The following IGFN1 variants were observed in gnomAD, a reference collection of about 807,000 sequenced individuals.
IGFN1 encodes immunoglobulin like and fibronectin type III domain containing 1.
IGFN1 carries 253 observed loss-of-function variants against 289.5 expected under a neutral mutation model. The ratio of observed to expected loss-of-function variants is 0.87; its 90% CI spans 0.79 to 0.97. The LOEUF is 0.97. Among genes scored for constraint, IGFN1 ranks in the 50% least tolerant of loss-of-function variants. The pLI is 0.00. For missense variants in IGFN1, 4,470 were observed against 4,686.1 expected (o/e 0.95, Z 1.35); for synonymous variants, 1,706 against 1,788.5 (o/e 0.95, Z 1.16).
Position 201,206,875 on chromosome 1 carries a change from T to A in IGFN1, c.1982T>A (p.Leu661Gln), listed in dbSNP as rs1225365617. Residue 661 changes from leucine to glutamine, a missense_variant, in exon 12 of 24, where the codon CTG (leucine) becomes CAG (glutamine). By Grantham distance (113) the Leu-to-Gln change is moderately radical. This residue lies in a region of IGFN1 where 2,011 missense variants were observed against 1,953.4 expected (regional missense o/e 1.03). Transcript: ENST00000335211. Reference sequence around the variant, plus strand: ...GTAGTGTGGGGTGGTGGGACTGGCCTGGGAGAAGCTGGAGACAGCAATGGG... The same window carrying A: ...GTAGTGTGGGGTGGTGGGACTGGCCAGGGAGAAGCTGGAGACAGCAATGGG... Reference protein sequence around the residue: ...GIVVWGGGTGLGEAGDSNGAG... With the variant: ...GIVVWGGGTGQGEAGDSNGAG... 9.1e-6 allele frequency: 14 copies of A among 1,536,020 alleles called. No homozygotes were observed. Among genetic ancestry groups the A allele is most frequent in the Non-Finnish European group, 1.0e-5 (12 of 1,146,400 alleles).
Position 201,208,819 on chromosome 1 carries a change from G to A in IGFN1, c.3926G>A (p.Gly1309Asp). The A allele has an allele frequency of 2.6e-6, 4 of 1,536,716 alleles. No individual in the cohort carries two copies. Among genetic ancestry groups the A allele is most frequent in the Non-Finnish European group, 3.5e-6 (4 of 1,146,696 alleles). The change falls in exon 12 of 24, where the codon GGT becomes GAT. Residue 1309 changes from glycine to aspartate, a missense_variant. Coordinates refer to ENST00000335211, the MANE Select transcript of IGFN1 (RefSeq NM_001164586.2). ...GGGAGCAAGGCAGATTATAGGGATG[G>A]TGTAGGGGGTTCTGGGGCAATGGGG... ...GSGSKADYRD[G>D]VGGSGAMGSM... is the part of the protein sequence containing the mutation.
In IGFN1 at chr1:201,210,258, C is replaced by T; in HGVS notation, c.5365C>T (p.Pro1789Ser). 1.5e-6 allele frequency: 2 copies of T among 1,317,224 alleles called. No homozygotes were observed. Among genetic ancestry groups the T allele is most frequent in the Non-Finnish European group, 2.0e-6 (2 of 1,010,590 alleles). 81.6% of individuals were successfully genotyped at this position (1,317,224 alleles called of 1,614,324 possible). A position where few individuals can be genotyped will look rare whatever the true frequency, so the allele number is the denominator to read the frequency against. Residue 1789 changes from proline to serine, a missense_variant, in exon 12 of 24, where the codon CCT becomes TCT. By Grantham distance (74) the Pro-to-Ser change is moderately conservative. Coordinates refer to ENST00000335211, the MANE Select transcript of IGFN1 (RefSeq NM_001164586.2). ...AGGTTATAGGAAGGATTTGTGGGCTCCTGAGGGAATAGGTTCAGGAAGTAA... is the reference window on the plus strand; with the variant it reads ...AGGTTATAGGAAGGATTTGTGGGCTTCTGAGGGAATAGGTTCAGGAAGTAA... ...EAGYRKDLWAPEGIGSGSKAG... is the reference protein window; with the variant it reads ...EAGYRKDLWASEGIGSGSKAG...
Position 201,215,093 on chromosome 1 carries a change from A to G in IGFN1, c.8934A>G (p.Gln2978=), listed in dbSNP as rs777741126. 10 of 1,614,088 alleles carry G rather than the reference A, an allele frequency of 6.2e-6. No homozygotes were observed. The highest frequency in any genetic ancestry group is 3.3e-4 in the Middle Eastern group (2 of 6,020). ...TCATCACGCATGTGCAGGGGACCCA[A>G]GCTGGGAGGTACACCTTTGTAGCTG... is the stretch of plus-strand genomic sequence containing the variant. The part of the protein sequence containing the change: ...SLFITHVQGT[Q]AGRYTFVAGD... Residue 2978 remains glutamine (Q), a synonymous_variant, in exon 14 of 24, where the codon CAA becomes CAG. Coordinates refer to ENST00000335211, the MANE Select transcript of IGFN1 (RefSeq NM_001164586.2).
Position 201,221,617 on chromosome 1 carries a change from G to T in IGFN1, c.10072G>T (p.Val3358Phe). 2.5e-6 allele frequency: 4 copies of T among 1,614,220 alleles called. No individual in the cohort carries two copies. The highest frequency in any genetic ancestry group is 3.4e-6 in the Non-Finnish European group (4 of 1,180,028). ...WLPCHVGTVP[V>F]TTYTAKGLRP... is the part of the protein sequence containing the mutation. ...CCCGTGCCATGTGGGCACCGTGCCA[G>T]TCACCACCTACACGGCCAAGGGGCT... Residue 3358 changes from valine (V) to phenylalanine (F), a missense_variant, in exon 19 of 24, where the codon GTC (valine) becomes TTC (phenylalanine). This residue lies in a region of IGFN1 where 2,218 missense variants were observed against 2,114.1 expected (regional missense o/e 1.05). Transcript: ENST00000335211.
rs1005990580 is a variant in IGFN1 at position 201,213,686 on chromosome 1, G to A, written c.8728+65G>A. 44 of 1,337,750 alleles carry A rather than the reference G, an allele frequency of 3.3e-5. No individual in the cohort carries two copies. The African/African-American group carries it at 5.9e-4, about 18-fold the overall frequency. The allele number at this position is 1,337,750 out of a possible 1,614,324, so 82.9% of individuals were successfully genotyped here. A position where few individuals can be genotyped will look rare whatever the true frequency, so the allele number is the denominator to read the frequency against. On this transcript the variant is annotated intron_variant, in intron 12 of 23. Coordinates refer to ENST00000335211, the MANE Select transcript of IGFN1 (RefSeq NM_001164586.2). ...GACAGTGGGGAGCTCCCTGGCCACTGGGATGCTTGGGTCTGTCCCAGTTCT... is the reference window on the plus strand; with the variant it reads ...GACAGTGGGGAGCTCCCTGGCCACTAGGATGCTTGGGTCTGTCCCAGTTCT...
At chr1:201,193,423 T>TC (rs1392168005) in intron 2 of IGFN1, 123 bp downstream of exon 2, 4 of 682,740 alleles carry the variant, frequency 5.9e-6, no homozygotes, top group Non-Finnish European at 1.0e-5. Flanking sequence ...TTGTTTTTTT[T>TC]CTCCTTATTT....
chr1:201,204,248 A>G (rs1667296966), intron 10 of IGFN1, among the ~76,000 whole-genome samples: 1 of 151,850 alleles, frequency 6.6e-6, no homozygotes, highest in Non-Finnish European at 1.5e-5. Flanking sequence ...TTTCTGTTGC[A>G]TGTCCTCATC....
In IGFN1 at chr1:201,206,964, G is replaced by A. The variant is rs944345955; in HGVS notation, c.2071G>A (p.Ala691Thr). Residue 691 changes from alanine (A) to threonine (T), a missense_variant, in exon 12 of 24, where the codon GCC (alanine) becomes ACC (threonine). This residue lies in a region of IGFN1 where 2,011 missense variants were observed against 1,953.4 expected (regional missense o/e 1.03). Coordinates refer to ENST00000335211, the MANE Select transcript of IGFN1 (RefSeq NM_001164586.2). ...GRGSGSKVGMAPESWGSQGGR... is the reference protein window; with the variant it reads ...GRGSGSKVGMTPESWGSQGGR... ...AGGTTCTGGCTCCAAGGTGGGCATG[G>A]CCCCTGAATCCTGGGGTTCTCAGGG... 1.8e-5 allele frequency: 27 copies of A among 1,536,078 alleles called. No individual in the cohort carries two copies. The highest frequency in any genetic ancestry group is 2.2e-5 in the Non-Finnish European group (25 of 1,146,438).
In IGFN1 at chr1:201,217,423, C is replaced by T. The variant is rs760529656; in HGVS notation, c.9732C>T (p.Ser3244=). Residue 3244 remains serine, a synonymous_variant, in exon 17 of 24, where the codon AGC becomes AGT. Coordinates refer to ENST00000335211, the MANE Select transcript of IGFN1 (RefSeq NM_001164586.2). ...TGATCGAGAGGCGTAAGAAGGGGAG[C>T]AACACCTGGACGGCAGTGAACGACC... The part of the protein sequence containing the change: ...GYLIERRKKG[S]NTWTAVNDQP... The T allele has an allele frequency of 6.2e-7, 1 of 1,614,060 alleles. No homozygotes were observed. Among genetic ancestry groups the T allele is most frequent in the Non-Finnish European group, 8.5e-7 (1 of 1,180,022 alleles).
In IGFN1 at chr1:201,222,779, G is replaced by T. The variant is rs2102368955; in HGVS notation, c.10242G>T (p.Leu3414Phe). Residue 3414 changes from leucine to phenylalanine, a missense_variant, in exon 20 of 24, where the codon TTG becomes TTT. This residue lies in a region of IGFN1 where 2,218 missense variants were observed against 2,114.1 expected (regional missense o/e 1.05). Coordinates refer to ENST00000335211, the MANE Select transcript of IGFN1 (RefSeq NM_001164586.2). ...KFLVDSSTKD[L>F]LTVKVGDTVR... ...TCGTGGACTCCAGCACCAAGGACTT[G>T]CTGACAGTCAAGGTCGGGGACACAG... 1.9e-6 allele frequency: 3 copies of T among 1,613,458 alleles called. No individual in the cohort carries two copies. The highest frequency in any genetic ancestry group is 2.5e-6 in the Non-Finnish European group (3 of 1,179,568).
chr1:201,208,814 G>A lies in IGFN1; in HGVS notation c.3921G>A (p.Arg1307=), dbSNP rs752013918. The part of the protein sequence containing the change: ...NMGSGSKADY[R]DGVGGSGAMG... ...GTTCGGGGAGCAAGGCAGATTATAG[G>A]GATGGTGTAGGGGGTTCTGGGGCAA... The change falls in exon 12 of 24, where the codon AGG becomes AGA. Residue 1307 remains arginine (R), a synonymous_variant. Transcript: ENST00000335211. 459 of 1,536,182 alleles carry A rather than the reference G, an allele frequency of 3.0e-4. No homozygotes were observed. The highest frequency in any genetic ancestry group is 7.3e-4 in the Admixed American group (37 of 50,888).
rs776849859 is a variant in IGFN1 at position 201,215,640 on chromosome 1, C to T, written c.9097C>T (p.Leu3033Phe). ...AGTGAAGATCCCCTTCCAGAGCCAC[C>T]TCCCCATTCAGGCTGCCTGGAGGAA... ...VIVKIPFQSH[L>F]PIQAAWRKDG... The change falls in exon 15 of 24, where the codon CTC becomes TTC. Residue 3033 changes from leucine (L) to phenylalanine (F), a missense_variant. Transcript: ENST00000335211. 3.7e-6 allele frequency: 6 copies of T among 1,614,056 alleles called. No homozygotes were observed. In the South Asian group the frequency reaches 5.5e-5, roughly 15 times the overall value.
chr1:201,194,134 T>C lies in IGFN1; in HGVS notation c.8-20T>C. 6.4e-7 allele frequency: 1 copy of C among 1,550,658 alleles called. No homozygotes were observed. Among genetic ancestry groups the C allele is most frequent in the Non-Finnish European group, 8.7e-7 (1 of 1,146,370 alleles). On this transcript the variant is annotated intron_variant, in intron 2 of 23. Coordinates refer to ENST00000335211, the MANE Select transcript of IGFN1 (RefSeq NM_001164586.2). Reference sequence around the variant, plus strand: ...GAAGAAGGTGGAAGGCCCCATCTCCTTCCCTCCTGCATTCTCCAGGAAAGC... The same window carrying C: ...GAAGAAGGTGGAAGGCCCCATCTCCCTCCCTCCTGCATTCTCCAGGAAAGC...
chr1:201,210,378 G>A lies in IGFN1; in HGVS notation c.5485G>A (p.Gly1829Ser). The A allele has an allele frequency of 7.7e-7, 1 of 1,298,598 alleles. No individual in the cohort carries two copies. Among genetic ancestry groups the A allele is most frequent in the Non-Finnish European group, 1.0e-6 (1 of 979,824 alleles). The allele number at this position is 1,298,598 out of a possible 1,614,324, so 80.4% of individuals were successfully genotyped here. A position where few individuals can be genotyped will look rare whatever the true frequency, so the allele number is the denominator to read the frequency against. Reference protein sequence around the residue: ...RKDLGAPEGMGSGSKAGFRDG... With the variant: ...RKDLGAPEGMSSGSKAGFRDG... ...GGATTTGGGGGCTCCTGAGGGAATG[G>A]GTTCAGGGAGTAAGGCAGGTTTCAG... is the stretch of plus-strand genomic sequence containing the variant. Residue 1829 changes from glycine (G) to serine (S), a missense_variant, in exon 12 of 24, where the codon GGT (glycine) becomes AGT (serine). By Grantham distance (56) the Gly-to-Ser change is moderately conservative. Around this residue, in one of 8 missense-constraint regions of IGFN1, gnomAD observed 33 missense variants for 259.7 expected, o/e 0.13. Coordinates refer to ENST00000335211, the MANE Select transcript of IGFN1 (RefSeq NM_001164586.2).
At chr1:201,217,034 C>T (rs1653355335) in intron 16 of IGFN1, among the ~76,000 whole-genome samples, 1 of 152,150 alleles carries the variant, frequency 6.6e-6, no homozygotes, top group African/African-American at 2.4e-5. Flanking sequence ...AACATCCTAT[C>T]AGAGGACTGG....
Position 201,207,403 on chromosome 1 carries a change from CA to C in IGFN1, c.2512del (p.Ser838ValfsTer39). On this transcript the variant is annotated frameshift_variant, in exon 12 of 24. Transcript: ENST00000335211. LOFTEE classifies it high-confidence loss of function. ...ATTGGCAGAATAGAATCTAAGGGCA[CA>C]AGTCCTTGGGATGACACACCATCTA... ...GGIGRIESKG[T>X]SPWDDTPSSL... is the part of the protein sequence containing the mutation. 2 of 1,535,118 alleles carry C rather than the reference CA, an allele frequency of 1.3e-6. No homozygotes were observed. Among genetic ancestry groups the C allele is most frequent in the Non-Finnish European group, 1.7e-6 (2 of 1,145,846 alleles).
At chr1:201,194,298 G>A (rs1033486186) in intron 3 of IGFN1, 25 bp downstream of exon 3, 1 of 1,549,940 alleles carries the variant, frequency 6.5e-7, no homozygotes, top group Non-Finnish European at 8.7e-7. Context: ...GAGCTGCGGA[G>A]GGGAGGCAAG....
rs572225706 is a variant in IGFN1, at chr1:201,201,856, G to C, written c.747+24G>C. ...AGGTGAGGCTGGAGGGGCTATGGGT[G>C]GGGGGGATCTGGCAGGGATGCTTCA... On this transcript the variant is annotated intron_variant, in intron 9 of 23. Transcript: ENST00000335211. 122 of 942,722 alleles carry C rather than the reference G, an allele frequency of 1.3e-4. 1 individual carries two copies. In the South Asian group the frequency reaches 1.6e-3, roughly 12 times the overall value. 58.4% of individuals were successfully genotyped at this position (942,722 alleles called of 1,614,324 possible). A position where few individuals can be genotyped will look rare whatever the true frequency, so the allele number is the denominator to read the frequency against.
chr1:201,228,330 A>T (rs1654245790), intron 23 of IGFN1, 56 bp from the exon 24 acceptor site: 5 of 1,578,048 alleles, frequency 3.2e-6, no homozygotes, highest in Admixed American at 3.3e-5. Flanking sequence ...CACTGAACAG[A>T]TGCAGGGTGG....
Sources: allele counts gnomAD v4.1 joint callset (sites outside exome capture counted in the v4.1 genomes callset), GRCh38; gene constraint gnomAD v4.1.1; regional missense constraint gnomAD v4.1.1; transcripts MANE v1.5; gene names NCBI Gene and HGNC (gene_info 2026-07-23, HGNC 2026-07-21).